Variants in GNAZ observed in about 807,000 individuals in gnomAD.
GNAZ encodes the protein G protein subunit alpha z.
A neutral mutation model predicts 25.4 loss-of-function variants in GNAZ; 3 were observed. The observed-to-expected ratio is 0.12, with a 90% CI of 0.05 to 0.30. The LOEUF (loss-of-function observed/expected upper bound fraction) is 0.30. Among genes scored for constraint, GNAZ ranks in the 10% least tolerant of loss-of-function variants. GNAZ has a pLI of 1.00. For synonymous variants in GNAZ, 211 were observed against 205.7 expected (o/e 1.03, Z -0.22); for missense variants, 241 against 501.8 (o/e 0.48, Z 4.97).
chr22:23,095,749 A>C lies in GNAZ; in HGVS notation c.54A>C (p.Arg18Ser). Residue 18 changes from arginine (R) to serine (S), a missense_variant, in exon 2 of 3, where the codon AGA (arginine) becomes AGC (serine). Transcript: ENST00000615612. ...EEKEAARRSRRIDRHLRSESQ... is the reference protein window; with the variant it reads ...EEKEAARRSRSIDRHLRSESQ... ...AAGAAGCAGCCCGGCGGTCCCGGAG[A>C]ATTGACCGCCACCTGCGCTCAGAGA... 1.2e-6 allele frequency: 2 copies of C among 1,612,650 alleles called. No individual in the cohort carries two copies. The highest frequency in any genetic ancestry group is 8.5e-7 in the Non-Finnish European group (1 of 1,179,796).
At chr22:23,102,833 A>C (rs925594670) in intron 2 of GNAZ, among the ~76,000 whole-genome samples, 55 of 152,206 alleles carry the variant, frequency 3.6e-4, no homozygotes, top group Non-Finnish European at 1.6e-4. Flanking sequence ...TGACGTTGTC[A>C]GGTGCCTTGG....
intron 1 of GNAZ, among the ~76,000 whole-genome samples, chr22:23,080,474 C>A (rs534944837): frequency 6.6e-6 from 1 of 152,242 alleles, no homozygotes; most frequent in Non-Finnish European, 1.5e-5. Context: ...TGTTCACTAA[C>A]CGTAGTCCTT....
At position 23,095,978 on chromosome 22, in the gene GNAZ, T is replaced by C; in HGVS notation, c.283T>C (p.Phe95Leu). ...GGCCCTGGCCGCCCTCAGGATCGACTTCCACAACCCCGACCGCGCCTACGA... is the reference window on the plus strand; with the variant it reads ...GGCCCTGGCCGCCCTCAGGATCGACCTCCACAACCCCGACCGCGCCTACGA... ...IRALAALRID[F>L]HNPDRAYDAV... Residue 95 changes from phenylalanine to leucine, a missense_variant, in exon 2 of 3, where the codon TTC (phenylalanine) becomes CTC (leucine). Phe to Leu is a conservative substitution (Grantham distance 22). Transcript: ENST00000615612. The C allele has an allele frequency of 6.2e-7, 1 of 1,610,978 alleles. No homozygotes were observed. Among genetic ancestry groups the C allele is most frequent in the East Asian group, 2.2e-5 (1 of 44,874 alleles).
intron 2 of GNAZ, among the ~76,000 whole-genome samples, chr22:23,097,749 C>T (rs551493007): frequency 5.2e-4 from 79 of 152,366 alleles, no homozygotes; most frequent in African/African-American, 1.7e-3. Context: ...CTTGATGAGG[C>T]ATGGCCGTGG....
chr22:23,122,163 T>C (rs2070049609), intron 2 of GNAZ, among the ~76,000 whole-genome samples: 1 of 152,210 alleles, frequency 6.6e-6, no homozygotes, highest in Admixed American at 6.5e-5. Context: ...GTTACTCCTT[T>C]TAGAAGTTAG....
intron 2 of GNAZ, among the ~76,000 whole-genome samples, chr22:23,100,066 A>G (rs982696769): frequency 4.6e-5 from 7 of 152,274 alleles, no homozygotes; most frequent in African/African-American, 1.2e-4. Flanking sequence ...AGCTGTCAGC[A>G]TTCCCAGCCC....
In GNAZ at chr22:23,124,528, C is replaced by A; in HGVS notation, c.*1097C>A. ...TTGTTTTTATTTAAGAAAATAAACACGACATATTTAAAGAAGGTTCTTTCA... is the reference window on the plus strand; with the variant it reads ...TTGTTTTTATTTAAGAAAATAAACAAGACATATTTAAAGAAGGTTCTTTCA... On this transcript the variant is annotated 3_prime_UTR_variant, in exon 3 of 3. Transcript: ENST00000615612. 3.3e-6 allele frequency: 1 copy of A among 307,484 alleles called. No individual in the cohort carries two copies. The highest frequency in any genetic ancestry group is 2.5e-5 in the South Asian group (1 of 40,494). 19.0% of individuals were successfully genotyped at this position (307,484 alleles called of 1,614,324 possible). A position where few individuals can be genotyped will look rare whatever the true frequency, so the allele number is the denominator to read the frequency against.
intron 1 of GNAZ, among the ~76,000 whole-genome samples, chr22:23,077,271 T>A (rs1345552847): frequency 6.6e-6 from 1 of 152,180 alleles, no homozygotes; most frequent in Non-Finnish European, 1.5e-5. Flanking sequence ...GCCTCCGTCT[T>A]CCTGAGTCCC....
chr22:23,121,620 T>C (rs1299173378), intron 2 of GNAZ, among the ~76,000 whole-genome samples: 1 of 152,186 alleles, frequency 6.6e-6, no homozygotes, highest in African/African-American at 2.4e-5. Flanking sequence ...ACTGCAGTCA[T>C]TGGTGATGCT....
chr22:23,123,747 C>A lies in GNAZ; in HGVS notation c.*316C>A. On this transcript the variant is annotated 3_prime_UTR_variant, in exon 3 of 3. Coordinates refer to ENST00000615612, the MANE Select transcript of GNAZ (RefSeq NM_002073.4). ...AAGCCCAACCTGCCCCTTCACTTTGCCTTCCTGAGTTGGCCCCACTCCACT... is the reference window on the plus strand; with the variant it reads ...AAGCCCAACCTGCCCCTTCACTTTGACTTCCTGAGTTGGCCCCACTCCACT... 1 of 346,138 alleles carries A rather than the reference C, an allele frequency of 2.9e-6. No individual in the cohort carries two copies. The highest frequency in any genetic ancestry group is 5.4e-6 in the Non-Finnish European group (1 of 186,844). The allele number at this position is 346,138 out of a possible 1,614,324, so 21.4% of individuals were successfully genotyped here. A position where few individuals can be genotyped will look rare whatever the true frequency, so the allele number is the denominator to read the frequency against.
chr22:23,084,970 C>T (rs996201180), intron 1 of GNAZ, among the ~76,000 whole-genome samples: 1 of 152,196 alleles, frequency 6.6e-6, no homozygotes, highest in Non-Finnish European at 1.5e-5. Flanking sequence ...AGTGCTGCTC[C>T]AGGAGGCCAT....
intron 1 of GNAZ, among the ~76,000 whole-genome samples, chr22:23,080,000 G>C (rs1280872177): frequency 2.0e-5 from 3 of 152,194 alleles, no homozygotes; most frequent in Admixed American, 6.5e-5. Flanking sequence ...ACTCAAGTGA[G>C]GGTTTGATGG....
At chr22:23,087,562 G>A (rs1001221656) in intron 1 of GNAZ, among the ~76,000 whole-genome samples, 3 of 152,254 alleles carry the variant, frequency 2.0e-5, no homozygotes, top group African/African-American at 7.2e-5. Flanking sequence ...AGTAATTCAT[G>A]AAGAGCTGGC....
chr22:23,095,615 G>C lies in GNAZ; in HGVS notation c.-81G>C, dbSNP rs1460314103. On this transcript the variant is annotated 5_prime_UTR_variant, in exon 2 of 3. Transcript: ENST00000615612. ...CTCCAGGGCAGCTGGGCTCTTGTCT[G>C]CCTGGTCTCAGTGTCCCCTGTGGCA... The C allele has an allele frequency of 6.1e-6, 9 of 1,480,244 alleles. No homozygotes were observed. In the African/African-American group the frequency reaches 1.3e-4, roughly 21 times the overall value. The allele number at this position is 1,480,244 out of a possible 1,614,324, so 91.7% of individuals were successfully genotyped here. A position where few individuals can be genotyped will look rare whatever the true frequency, so the allele number is the denominator to read the frequency against.
At chr22:23,079,474 T>C (rs564783550) in intron 1 of GNAZ, among the ~76,000 whole-genome samples, 159 of 151,994 alleles carry the variant, frequency 1.0e-3, no homozygotes, top group African/African-American at 3.7e-3. Context: ...AGGGGGAGCA[T>C]GGGCGTGGGA....
chr22:23,088,268 C>T (rs2068869273), intron 1 of GNAZ, among the ~76,000 whole-genome samples: 1 of 152,218 alleles, frequency 6.6e-6, no homozygotes, highest in African/African-American at 2.4e-5. Flanking sequence ...AGTGCGTTTC[C>T]TCCTGCTGGT....
chr22:23,089,759 CG>C (rs1196251113), intron 1 of GNAZ, among the ~76,000 whole-genome samples: 1 of 152,140 alleles, frequency 6.6e-6, no homozygotes, highest in Non-Finnish European at 1.5e-5. Context: ...AGGAAGCAAG[CG>C]GCCCTCAGCA....
rs563653996 is a variant in GNAZ, at chr22:23,124,058, A to G, written c.*627A>G. 4.4e-6 allele frequency: 1 copy of G among 228,062 alleles called. No individual in the cohort carries two copies. Among genetic ancestry groups the G allele is most frequent in the Admixed American group, 5.5e-5 (1 of 18,142 alleles). 14.1% of individuals were successfully genotyped at this position (228,062 alleles called of 1,614,324 possible). A position where few individuals can be genotyped will look rare whatever the true frequency, so the allele number is the denominator to read the frequency against. ...ACAGCTCTTTTTAAAAAACAGCTTC[A>G]AAATATGCAGCAAAAACCAATACAA... On this transcript the variant is annotated 3_prime_UTR_variant, in exon 3 of 3. Transcript: ENST00000615612.
intron 2 of GNAZ, among the ~76,000 whole-genome samples, chr22:23,118,488 C>T (rs919487166): frequency 1.9e-4 from 27 of 142,672 alleles, no homozygotes; most frequent in African/African-American, 5.7e-4. Flanking sequence ...CCCCACCCCC[C>T]GCGGCTGCCT....
Sources: allele counts gnomAD v4.1 joint callset (sites outside exome capture counted in the v4.1 genomes callset), GRCh38; gene constraint gnomAD v4.1.1; transcripts MANE v1.5; gene names NCBI Gene and HGNC (gene_info 2026-07-23, HGNC 2026-07-21).